Variants in PCDH15 observed in about 807,000 individuals in gnomAD.
PCDH15 encodes protocadherin-15.
In PCDH15, 129 loss-of-function variants were observed where a neutral mutation model predicts 178.5. The ratio of observed to expected loss-of-function variants is 0.72; its 90% CI spans 0.63 to 0.84. The LOEUF is 0.84. Ranked by LOEUF, PCDH15 falls within the 40% of genes least tolerant of loss-of-function variation. The pLI is 0.00. For missense variants in PCDH15, 2,230 were observed against 2,099.9 expected, an observed-to-expected ratio of 1.06 and a Z score of -1.21; for synonymous variants, 800 against 732.0, an observed-to-expected ratio of 1.09 and a Z score of -1.50.
At chr10:53,994,502 T>C (rs763210364) in intron 21 of PCDH15, 2 of 152,142 alleles carry the variant, frequency 1.3e-5, no homozygotes, top group African/African-American at 2.4e-5. Flanking sequence ...ATATGTTGAA[T>C]AAAATTGAAT....
At chr10:55,261,096 C>T (rs149179656) in intron 1 of PCDH15, among the ~76,000 whole-genome samples, 251 of 152,166 alleles carry the variant, frequency 1.6e-3, no homozygotes, top group Non-Finnish European at 2.4e-3. Flanking sequence ...AATAGTATAC[C>T]TGGCCATGTT....
chr10:55,535,466 G>C (rs915893544), intron 2 of PCDH15, among the ~76,000 whole-genome samples: 3 of 151,814 alleles, frequency 2.0e-5, no homozygotes, highest in African/African-American at 7.3e-5. Flanking sequence ...TCTACACTTG[G>C]TGAATCAAAG....
At chr10:53,947,003 C>A (rs920960741) in intron 23 of PCDH15, among the ~76,000 whole-genome samples, 1 of 152,110 alleles carries the variant, frequency 6.6e-6, no homozygotes, top group Non-Finnish European at 1.5e-5. Context: ...GTCTTGAACT[C>A]CTGACCTCAT....
At chr10:54,239,979 A>C (rs1272270146) in intron 8 of PCDH15, among the ~76,000 whole-genome samples, 2 of 152,154 alleles carry the variant, frequency 1.3e-5, no homozygotes, top group African/African-American at 4.8e-5. Context: ...TATGATTTTT[A>C]GGATGACCTT....
intron 3 of PCDH15, among the ~76,000 whole-genome samples, chr10:54,819,962 TA>T (rs1391724800): frequency 6.6e-6 from 1 of 152,008 alleles, no homozygotes; most frequent in Non-Finnish European, 1.5e-5. Flanking sequence ...GCCTTATAAC[TA>T]AAGCATTACT....
At chr10:54,600,430 G>T in intron 2 of PCDH15, 1 of 577,410 alleles carries the variant, frequency 1.7e-6, no homozygotes, top group South Asian at 1.4e-5. Context: ...TGTCACCAAT[G>T]ACCTAGACTT....
chr10:54,894,282 A>T (rs1954512930), intron 3 of PCDH15, among the ~76,000 whole-genome samples: 1 of 152,170 alleles, frequency 6.6e-6, no homozygotes, highest in Admixed American at 6.6e-5. Context: ...ATCTGTGGTT[A>T]CTTATAGAGT....
At chr10:55,244,572 TACACACAC>T (rs779150750) in intron 1 of PCDH15, among the ~76,000 whole-genome samples, 4 of 131,166 alleles carry the variant, frequency 3.0e-5, no homozygotes, top group Admixed American at 7.5e-5. Flanking sequence ...ACTGAACTTA[TACACACAC>T]ACACACACAC....
chr10:53,906,046 T>C (rs7095839), intron 25 of PCDH15, among the ~76,000 whole-genome samples: 115,858 of 151,942 alleles, frequency 0.76, 44,860 homozygotes, highest in East Asian at 1. Context: ...AGAGAAACAG[T>C]TATAATGCGA....
intron 8 of PCDH15, among the ~76,000 whole-genome samples, chr10:54,239,017 T>C (rs2054942545): frequency 6.6e-6 from 1 of 152,138 alleles, no homozygotes; most frequent in Non-Finnish European, 1.5e-5. Flanking sequence ...CTGCATCTCA[T>C]AGTCAGAAAA....
intron 20 of PCDH15, among the ~76,000 whole-genome samples, chr10:54,009,194 G>T (rs187476217): frequency 6.6e-6 from 1 of 152,036 alleles, no homozygotes; most frequent in Admixed American, 6.6e-5. Flanking sequence ...TATTTCCAAA[G>T]AAAATTTAGT....
At chr10:54,286,156 AGTATT>A (rs994517935) in intron 8 of PCDH15, among the ~76,000 whole-genome samples, 8 of 152,200 alleles carry the variant, frequency 5.3e-5, no homozygotes, top group East Asian at 1.9e-4. Flanking sequence ...TATGGTAAAA[AGTATT>A]GTATTGTATG....
chr10:55,045,874 G>A (rs1386513614), intron 2 of PCDH15, among the ~76,000 whole-genome samples: 1 of 151,790 alleles, frequency 6.6e-6, no homozygotes, highest in East Asian at 1.9e-4. Flanking sequence ...CAAAATTAAT[G>A]TCCTTTTTCC....
chr10:54,724,600 G>A (rs1483414044), intron 1 of PCDH15, among the ~76,000 whole-genome samples: 1 of 151,246 alleles, frequency 6.6e-6, no homozygotes, highest in Non-Finnish European at 1.5e-5. Context: ...AAAGTTATAT[G>A]TTAATTTTGT....
At chr10:54,948,747 C>G (rs1055574026) in intron 2 of PCDH15, among the ~76,000 whole-genome samples, 1 of 151,890 alleles carries the variant, frequency 6.6e-6, no homozygotes, top group Non-Finnish European at 1.5e-5. Flanking sequence ...TAAAAATGAT[C>G]TCTGTATATA....
chr10:54,924,776 C>G (rs1837576550), intron 2 of PCDH15, among the ~76,000 whole-genome samples: 1 of 152,092 alleles, frequency 6.6e-6, no homozygotes, highest in Admixed American at 6.6e-5. Context: ...GTCCTTTGCT[C>G]AAGTTTTATG....
chr10:54,359,719 G>A (rs1348187554), intron 5 of PCDH15, among the ~76,000 whole-genome samples: 2 of 151,846 alleles, frequency 1.3e-5, no homozygotes, highest in East Asian at 3.9e-4. Context: ...AGATTTTCAT[G>A]TTTTTCTGTG....
intron 2 of PCDH15, among the ~76,000 whole-genome samples, chr10:54,558,240 C>A (rs2087570334): frequency 6.6e-6 from 1 of 152,014 alleles, no homozygotes; most frequent in Admixed American, 6.6e-5. Context: ...GTTAACAAAA[C>A]TTTTTATTGT....
chr10:55,000,403 G>A (rs182931192), intron 2 of PCDH15, among the ~76,000 whole-genome samples: 56 of 152,260 alleles, frequency 3.7e-4, no homozygotes, highest in African/African-American at 1.2e-3. Context: ...CAGAGTTTAA[G>A]GTTATCTCTC....
Sources: gnomAD v4.1 joint callset for allele counts (sites outside exome capture counted in the v4.1 genomes callset) on GRCh38, gnomAD v4.1.1 for gene constraint, MANE v1.5 for transcripts, NCBI Gene and HGNC (gene_info 2026-07-23, HGNC 2026-07-21) for gene names.